The following MTUS1 variants were observed in gnomAD, a reference collection of about 807,000 sequenced individuals.
The protein encoded by MTUS1 is microtubule associated scaffold protein 1, also known as microtubule-associated tumor suppressor 1.
MTUS1 carries 109 observed loss-of-function variants against 120.8 expected under a neutral mutation model. That is an observed-to-expected ratio of 0.90 (90% CI 0.77 to 1.06). MTUS1 has a LOEUF of 1.06. Ranked by LOEUF, MTUS1 falls within the 50% of genes least tolerant of loss-of-function variation. The pLI is 0.00. For missense variants in MTUS1, 2,210 were observed against 1,486.3 expected (o/e 1.49, Z -8.01); for synonymous variants, 737 against 550.5 (o/e 1.34, Z -4.74).
At chr8:17,780,756 T>C (rs1169729102) in intron 1 of MTUS1, 1 of 152,248 alleles carries the variant, frequency 6.6e-6, no homozygotes, top group Non-Finnish European at 1.5e-5. Context: ...ACCAGAGTCA[T>C]CCTTCTGAAT....
At chr8:17,777,986 T>C (rs1041248893) in intron 1 of MTUS1, among the ~76,000 whole-genome samples, 1 of 152,144 alleles carries the variant, frequency 6.6e-6, no homozygotes, top group Non-Finnish European at 1.5e-5. Flanking sequence ...GTAAAATATG[T>C]AGAAAAAGCA....
chr8:17,654,222 C>G (rs937232347), intron 10 of MTUS1: 2 of 307,688 alleles, frequency 6.5e-6, no homozygotes, highest in Non-Finnish European at 1.2e-5. Flanking sequence ...TGCAGGAGCA[C>G]TTGGGGTGGA....
chr8:17,715,842 C>T lies in MTUS1; in HGVS notation c.2509G>A (p.Gly837Ser). The T allele has an allele frequency of 1.2e-6, 2 of 1,614,010 alleles. No individual in the cohort carries two copies. The highest frequency in any genetic ancestry group is 1.7e-5 in the Admixed American group (1 of 60,000). The change falls in exon 5 of 15, where the codon GGT becomes AGT. Residue 837 changes from glycine to serine, a missense_variant. By Grantham distance (56) the Gly-to-Ser change is moderately conservative. Transcript: ENST00000693296. The stretch of plus-strand genomic sequence containing the variant: ...TTCAAATAAAAGGATCCTGAGGAAC[C>T]ATTCTGAAATGCTGGTTTTGGAGGT... ...EKPPKPAFQN[G>S]SSGSFYLKPL...
At chr8:17,655,003 C>A in intron 9 of MTUS1, 1 of 230,004 alleles carries the variant, frequency 4.3e-6, no homozygotes, top group South Asian at 9.4e-5. Context: ...TCCTTCCCTA[C>A]CCTCAGGAAC....
chr8:17,765,733 T>A (rs2049437058), intron 1 of MTUS1, among the ~76,000 whole-genome samples: 1 of 140,180 alleles, frequency 7.1e-6, no homozygotes, highest in South Asian at 2.4e-4. Flanking sequence ...CACACACAAT[T>A]TTTTTGGTTT....
intron 3 of MTUS1, among the ~76,000 whole-genome samples, chr8:17,741,786 T>C (rs1025179626): frequency 1.4e-4 from 22 of 152,174 alleles, no homozygotes; most frequent in African/African-American, 5.1e-4. Flanking sequence ...CAGCAGTTAC[T>C]CAGAAAATTA....
chr8:17,681,012 C>A (rs966733400), intron 7 of MTUS1, among the ~76,000 whole-genome samples: 4 of 152,002 alleles, frequency 2.6e-5, no homozygotes, highest in African/African-American at 9.7e-5. Context: ...TGGCTCACTG[C>A]CACCTCCACC....
intron 2 of MTUS1, among the ~76,000 whole-genome samples, chr8:17,751,851 A>G (rs2048219024): frequency 6.7e-6 from 1 of 148,256 alleles, no homozygotes; most frequent in African/African-American, 2.5e-5. Flanking sequence ...AGCAAGAACA[A>G]GACTCTGCCT....
At chr8:17,676,991 C>G (rs1167632934) in intron 7 of MTUS1, among the ~76,000 whole-genome samples, 3 of 152,176 alleles carry the variant, frequency 2.0e-5, no homozygotes, top group Non-Finnish European at 4.4e-5. Context: ...AGTCTAAACG[C>G]CAGCACTGAA....
At chr8:17,751,978 T>C (rs1307786668) in intron 2 of MTUS1, among the ~76,000 whole-genome samples, 1 of 151,324 alleles carries the variant, frequency 6.6e-6, no homozygotes, top group African/African-American at 2.4e-5. Flanking sequence ...GTATTTCATA[T>C]CTAATTATGA....
At chr8:17,662,391 T>C (rs967083105) in intron 8 of MTUS1, among the ~76,000 whole-genome samples, 1 of 138,470 alleles carries the variant, frequency 7.2e-6, no homozygotes, top group Non-Finnish European at 1.5e-5. Flanking sequence ...AGTCTCGCAC[T>C]GTCACCTGGG....
In MTUS1 at chr8:17,679,353, G is replaced by A. The variant is rs527370381; in HGVS notation, c.2839-4101C>T. On this transcript the variant is annotated intron_variant, in intron 7 of 14. Coordinates refer to ENST00000693296, the MANE Select transcript of MTUS1 (RefSeq NM_001363059.2). ...TTTATATACATATGCATGTGTGCGC[G>A]CGCGTGTGTGTGTGTGTGTGTGTGT... 5.8e-4 allele frequency among the ~76,000 whole-genome samples: 79 copies of A among 136,722 alleles called. No individual in the cohort carries two copies. In the South Asian group the frequency reaches 0.01, roughly 18 times the overall value. The allele number at this position is 136,722 out of a possible 152,430, so 89.7% of individuals were successfully genotyped here.
chr8:17,661,639 T>C (rs1272857041), intron 8 of MTUS1, among the ~76,000 whole-genome samples: 3 of 151,154 alleles, frequency 2.0e-5, no homozygotes, highest in African/African-American at 7.3e-5. Context: ...TTTCCCTCTA[T>C]TCACCAAAAA....
intron 2 of MTUS1, among the ~76,000 whole-genome samples, chr8:17,749,585 C>T (rs188320283): frequency 0.013 from 1,968 of 149,476 alleles, 26 homozygotes; most frequent in Non-Finnish European, 0.02. Context: ...CACTTGAACC[C>T]GGGAGGCAGA....
chr8:17,754,280 C>CA lies in MTUS1; in HGVS notation c.1527dup (p.Val510CysfsTer8). The CA allele has an allele frequency of 1.2e-6, 2 of 1,614,068 alleles. No individual in the cohort carries two copies. The highest frequency in any genetic ancestry group is 1.7e-6 in the Non-Finnish European group (2 of 1,180,024). ...GCTCTAGACATAACTTTTGCTTTGA[C>CA]ATTCTTGAAGTTTGGTCTTGGGTAA... On this transcript the variant is annotated frameshift_variant, in exon 2 of 15. Coordinates refer to ENST00000693296, the MANE Select transcript of MTUS1 (RefSeq NM_001363059.2). LOFTEE classifies it high-confidence loss of function.
At chr8:17,666,626 T>G (rs1377876970) in intron 8 of MTUS1, among the ~76,000 whole-genome samples, 1 of 152,020 alleles carries the variant, frequency 6.6e-6, no homozygotes, top group Non-Finnish European at 1.5e-5. Flanking sequence ...GGGAAAGGTT[T>G]TGCTTTATTT....
chr8:17,706,609 T>G (rs73200199), intron 6 of MTUS1, among the ~76,000 whole-genome samples: 1 of 152,188 alleles, frequency 6.6e-6, no homozygotes. Context: ...TATGAAGCTT[T>G]TGGAAAACAA....
At chr8:17,786,796 T>A (rs992190053) in intron 1 of MTUS1, among the ~76,000 whole-genome samples, 41 of 152,298 alleles carry the variant, frequency 2.7e-4, no homozygotes, top group Admixed American at 1.8e-3. Context: ...GTTAAGGTGC[T>A]ACGTTAACAA....
At chr8:17,767,067 G>A (rs1308914768) in intron 1 of MTUS1, among the ~76,000 whole-genome samples, 1 of 151,904 alleles carries the variant, frequency 6.6e-6, no homozygotes, top group Admixed American at 6.6e-5. Context: ...TGTGGGTGGG[G>A]AGAATGAATG....
Sources: allele counts gnomAD v4.1 joint callset (sites outside exome capture counted in the v4.1 genomes callset), GRCh38; gene constraint gnomAD v4.1.1; transcripts MANE v1.5; gene names NCBI Gene and HGNC (gene_info 2026-07-23, HGNC 2026-07-21).